PDP1: variants seen among roughly 807,000 people sequenced by gnomAD.
PDP1 encodes the protein pyruvate dehyrogenase phosphatase catalytic subunit 1.
In PDP1, 14 loss-of-function variants were observed where a neutral mutation model predicts 37.1. The ratio of observed to expected loss-of-function variants is 0.38; its 90% CI spans 0.25 to 0.59. The LOEUF is 0.59. Ranked by LOEUF, PDP1 falls within the 20% of genes least tolerant of loss-of-function variation. The pLI, the probability that PDP1 is intolerant of heterozygous loss-of-function variation, is 0.67. For synonymous variants in PDP1, 251 were observed against 243.3 expected, an observed-to-expected ratio of 1.03 and a Z score of -0.29; for missense variants, 544 against 655.3, an observed-to-expected ratio of 0.83 and a Z score of 1.85.
At position 93,923,038 on chromosome 8, in the gene PDP1, T is replaced by C. The variant is rs373354872; in HGVS notation, c.979T>C (p.Leu327=). The C allele has an allele frequency of 3.7e-6, 6 of 1,614,048 alleles. No homozygotes were observed. In the Admixed American group the frequency reaches 6.7e-5, roughly 18 times the overall value. The part of the protein sequence containing the change: ...QNERELERLK[L]EHPKSEAKSV... ...TGAAAGAGAACTAGAACGGCTGAAA[T>C]TGGAACATCCAAAGAGTGAGGCCAA... The change falls in exon 2 of 2, where the codon TTG becomes CTG. Residue 327 remains leucine, a synonymous_variant. Coordinates refer to ENST00000297598, the MANE Select transcript of PDP1 (RefSeq NM_018444.4). This position sits in a 1 kb window ranked among gnomAD's most constrained non-coding sequence, Gnocchi z 4.3.
At chr8:93,918,144 C>T (rs1952499182) in intron 1 of PDP1, among the ~76,000 whole-genome samples, 1 of 151,910 alleles carries the variant, frequency 6.6e-6, no homozygotes, top group Non-Finnish European at 1.5e-5. Context: ...GGAAACTAAT[C>T]AAAAAAATAC....
intron 1 of PDP1, chr8:93,920,881 G>T (rs1810248289): frequency 1.1e-5 from 10 of 877,244 alleles, no homozygotes; most frequent in Non-Finnish European, 1.4e-5. Flanking sequence ...TCAAATCAGA[G>T]TGATTACCAT....
rs776484586 is a variant in PDP1, at chr8:93,917,046, T to G, written c.-78T>G. ...TGGCGTCGTTGTCGCCCCCTCCTCG[T>G]CGGGAAGAATCGTTTGGTCTCCTGC... On this transcript the variant is annotated 5_prime_UTR_variant, in exon 1 of 2. Transcript: ENST00000297598. The G allele has an allele frequency of 2.1e-6, 1 of 477,926 alleles. No individual in the cohort carries two copies. The highest frequency in any genetic ancestry group is 8.0e-5 in the East Asian group (1 of 12,570). 29.6% of individuals were successfully genotyped at this position (477,926 alleles called of 1,614,324 possible). A position where few individuals can be genotyped will look rare whatever the true frequency, so the allele number is the denominator to read the frequency against.
intron 1 of PDP1, chr8:93,920,043 A>G (rs1170772214): frequency 1.3e-5 from 2 of 152,182 alleles, no homozygotes; most frequent in African/African-American, 4.8e-5. Context: ...TTTTTTAGTT[A>G]CGGATTCTTA....
intron 1 of PDP1, among the ~76,000 whole-genome samples, chr8:93,919,340 C>T (rs1209279906): frequency 2.0e-5 from 3 of 152,232 alleles, no homozygotes; most frequent in Admixed American, 6.5e-5. Context: ...CCAACCTGAC[C>T]AACATGGTGA....
Position 93,924,047 on chromosome 8 carries a change from T to G in PDP1, c.*374T>G. ...CTTGGTTAAAGTGAAGAAACAGTAC[T>G]GTTCACACCTTTCTTCACTGAGATT... On this transcript the variant is annotated 3_prime_UTR_variant, in exon 2 of 2. Transcript: ENST00000297598. The G allele has an allele frequency of 3.7e-6, 1 of 267,738 alleles. No individual in the cohort carries two copies. The highest frequency in any genetic ancestry group is 5.2e-5 in the South Asian group (1 of 19,296). The allele number at this position is 267,738 out of a possible 1,614,324, so 16.6% of individuals were successfully genotyped here. A position where few individuals can be genotyped will look rare whatever the true frequency, so the allele number is the denominator to read the frequency against.
chr8:93,923,383 C>T lies in PDP1; in HGVS notation c.1324C>T (p.His442Tyr), dbSNP rs1465644044. 9 of 1,611,154 alleles carry T rather than the reference C, an allele frequency of 5.6e-6. No homozygotes were observed. Among genetic ancestry groups the T allele is most frequent in the Non-Finnish European group, 6.8e-6 (8 of 1,177,924 alleles). ...GGGTGAGTACCTAACTGGCATGCAT[C>T]ACCAACAGCCAATAGCTGTTGGTGG... ...IVGEYLTGMH[H>Y]QQPIAVGGYK... Residue 442 changes from histidine to tyrosine, a missense_variant, in exon 2 of 2, where the codon CAC becomes TAC. By Grantham distance (83) the His-to-Tyr change is moderately conservative (BLOSUM62 2). This residue lies in a region of PDP1 where 159 missense variants were observed against 165.5 expected (regional missense o/e 0.96). Coordinates refer to ENST00000297598, the MANE Select transcript of PDP1 (RefSeq NM_018444.4). This position sits in a 1 kb window ranked among gnomAD's most constrained non-coding sequence, Gnocchi z 4.3.
At position 93,922,552 on chromosome 8, in the gene PDP1, G is replaced by C; in HGVS notation, c.493G>C (p.Val165Leu). The C allele has an allele frequency of 6.2e-7, 1 of 1,613,940 alleles. No individual in the cohort carries two copies. Among genetic ancestry groups the C allele is most frequent in the South Asian group, 1.1e-5 (1 of 91,086 alleles). Residue 165 changes from valine (V) to leucine (L), a missense_variant, in exon 2 of 2, where the codon GTC (valine) becomes CTC (leucine). Coordinates refer to ENST00000297598, the MANE Select transcript of PDP1 (RefSeq NM_018444.4). The surrounding 1 kb of genome is among the most constrained non-coding windows in gnomAD (Gnocchi z 4.0). ...TGAAAGACTCTTTTATTATATTGCT[G>C]TCTCTTTGTTACCCCATGAGACTTT... ...VSERLFYYIAVSLLPHETLLE... is the reference protein window; with the variant it reads ...VSERLFYYIALSLLPHETLLE...
In PDP1 at chr8:93,921,763, GA is replaced by G. The variant is rs149253396; in HGVS notation, c.-44-249del. 1,177 of 421,922 alleles carry G rather than the reference GA, an allele frequency of 2.8e-3. 17 individuals are homozygous for G. Among genetic ancestry groups the G allele is most frequent in the African/African-American group, 0.021 (1,032 of 50,150 alleles). The allele number at this position is 421,922 out of a possible 1,614,324, so 26.1% of individuals were successfully genotyped here. A position where few individuals can be genotyped will look rare whatever the true frequency, so the allele number is the denominator to read the frequency against. ...TTTGTACTGCACAAAGGACGACAAA[GA>G]AAAGAGAAAATTGAAGTTTGAGTAT... On this transcript the variant is annotated intron_variant, in intron 1 of 1. Transcript: ENST00000297598.
chr8:93,917,981 A>G, intron 1 of PDP1: 5 of 1,613,052 alleles, frequency 3.1e-6, no homozygotes, highest in Non-Finnish European at 4.2e-6. Context: ...TTGGGTACCC[A>G]GGAAGGATGG....
In PDP1 at chr8:93,925,087, T is replaced by C. The variant is rs1045350359; in HGVS notation, c.*1414T>C. 1 of 167,042 alleles carries C rather than the reference T, an allele frequency of 6.0e-6. No individual in the cohort carries two copies. Among genetic ancestry groups the C allele is most frequent in the Non-Finnish European group, 1.5e-5 (1 of 68,102 alleles). 10.3% of individuals were successfully genotyped at this position (167,042 alleles called of 1,614,324 possible). ...TTATGTTTGATATTCACCTGGATTT[T>C]AATACAAGCCAATATCAGCTTCCCA... On this transcript the variant is annotated 3_prime_UTR_variant, in exon 2 of 2. Transcript: ENST00000297598.
Position 93,922,128 on chromosome 8 carries a change from T to C in PDP1, c.69T>C (p.Thr23=). ...GTGAACTGAGCAGGATCTATGGCACTGCATGTTACTGCCACCACAAACATC... is the reference window on the plus strand; with the variant it reads ...GTGAACTGAGCAGGATCTATGGCACCGCATGTTACTGCCACCACAAACATC... The part of the protein sequence containing the change: ...RNCELSRIYG[T]ACYCHHKHLC... Residue 23 remains threonine, a synonymous_variant, in exon 2 of 2, where the codon ACT becomes ACC. Transcript: ENST00000297598. The surrounding 1 kb of genome is among the most constrained non-coding windows in gnomAD (Gnocchi z 4.0). 6.2e-7 allele frequency: 1 copy of C among 1,614,142 alleles called. No homozygotes were observed. The highest frequency in any genetic ancestry group is 2.2e-5 in the East Asian group (1 of 44,890).
intron 1 of PDP1, 138 bp downstream of exon 1, chr8:93,917,217 A>G: frequency 6.4e-6 from 1 of 155,586 alleles, no homozygotes; most frequent in Non-Finnish European, 1.2e-5. Flanking sequence ...CTGGAGCGCC[A>G]GGTGCGCGCC....
chr8:93,922,104 T>C lies in PDP1; in HGVS notation c.45T>C (p.Cys15=), dbSNP rs1479982264. 1.9e-6 allele frequency: 3 copies of C among 1,613,906 alleles called. No homozygotes were observed. Among genetic ancestry groups the C allele is most frequent in the Admixed American group, 3.3e-5 (2 of 59,998 alleles). ...TGTTTTTTCCTCTCATCCGTAACTG[T>C]GAACTGAGCAGGATCTATGGCACTG... ...TQLFFPLIRN[C]ELSRIYGTAC... is the part of the protein sequence containing the mutation. Residue 15 remains cysteine (C), a synonymous_variant, in exon 2 of 2, where the codon TGT becomes TGC. Transcript: ENST00000297598. The surrounding 1 kb of genome is among the most constrained non-coding windows in gnomAD (Gnocchi z 4.0).
At chr8:93,917,216 C>A in intron 1 of PDP1, 137 bp downstream of exon 1, 1 of 176,030 alleles carries the variant, frequency 5.7e-6, no homozygotes, top group Non-Finnish European at 1.2e-5. Flanking sequence ...CCTGGAGCGC[C>A]AGGTGCGCGC....
Position 93,923,719 on chromosome 8 carries a change from G to C in PDP1, c.*46G>C. 1 of 1,464,188 alleles carries C rather than the reference G, an allele frequency of 6.8e-7. No homozygotes were observed. The highest frequency in any genetic ancestry group is 2.3e-5 in the East Asian group (1 of 44,124). 90.7% of individuals were successfully genotyped at this position (1,464,188 alleles called of 1,614,324 possible). ...AATTCTCAAATGATATACATTTAAA[G>C]GGCAGATTTTTTAAAAAGATACTAC... is the stretch of plus-strand genomic sequence containing the variant. On this transcript the variant is annotated 3_prime_UTR_variant, in exon 2 of 2. Transcript: ENST00000297598. This position sits in a 1 kb window ranked among gnomAD's most constrained non-coding sequence, Gnocchi z 4.3.
rs767466121 is a variant in PDP1, at chr8:93,925,531, G to A, written c.*1858G>A. On this transcript the variant is annotated 3_prime_UTR_variant, in exon 2 of 2. Transcript: ENST00000297598. The stretch of plus-strand genomic sequence containing the variant: ...AAGAGTTTCATATACACCAAATAAT[G>A]TCTCATCTCTATAGTACAGGGAATA... The A allele has an allele frequency of 1.2e-5, 2 of 166,694 alleles. No individual in the cohort carries two copies. The highest frequency in any genetic ancestry group is 4.8e-5 in the African/African-American group (2 of 41,410). The allele number at this position is 166,694 out of a possible 1,614,324, so 10.3% of individuals were successfully genotyped here.
Position 93,923,634 on chromosome 8 carries a change from C to A in PDP1, c.1575C>A (p.Phe525Leu). Residue 525 changes from phenylalanine (F) to leucine (L), a missense_variant, in exon 2 of 2, where the codon TTC becomes TTA. Around this residue, in one of 5 missense-constraint regions of PDP1, gnomAD observed 159 missense variants for 165.5 expected, o/e 0.96. Transcript: ENST00000297598. This position sits in a 1 kb window ranked among gnomAD's most constrained non-coding sequence, Gnocchi z 4.3. The part of the protein sequence containing the change: ...RDDITIIVVQ[F>L]NSHVVGAYQN... ...ACATTACAATCATTGTAGTTCAGTTCAATTCTCATGTTGTAGGGGCGTATC... is the reference window on the plus strand; with the variant it reads ...ACATTACAATCATTGTAGTTCAGTTAAATTCTCATGTTGTAGGGGCGTATC... 6.2e-7 allele frequency: 1 copy of A among 1,613,986 alleles called. No homozygotes were observed. The highest frequency in any genetic ancestry group is 1.1e-5 in the South Asian group (1 of 91,026).
Position 93,924,390 on chromosome 8 carries a change from A to AT in PDP1, c.*724dup, listed in dbSNP as rs886063179. The AT allele has an allele frequency of 1.2e-5, 2 of 166,970 alleles. No homozygotes were observed. The highest frequency in any genetic ancestry group is 3.8e-4 in the East Asian group (2 of 5,206). 10.3% of individuals were successfully genotyped at this position (166,970 alleles called of 1,614,324 possible). ...ATTGAAGTTAAAGAAAGAAAAAAAG[A>AT]TTTTTTTATTTGTATTAATGAAAAG... is the stretch of plus-strand genomic sequence containing the variant. On this transcript the variant is annotated 3_prime_UTR_variant, in exon 2 of 2. Transcript: ENST00000297598.
Sources: gnomAD v4.1 joint callset for allele counts (sites outside exome capture counted in the v4.1 genomes callset) on GRCh38, gnomAD v4.1.1 for gene constraint, gnomAD v4.1.1 regional missense constraint, Gnocchi (gnomAD v3.1) non-coding constraint, MANE v1.5 for transcripts, NCBI Gene and HGNC (gene_info 2026-07-23, HGNC 2026-07-21) for gene names.